Variants in PLCH2 observed in about 807,000 individuals in gnomAD.
The protein encoded by PLCH2 is phospholipase C eta 2.
A neutral mutation model predicts 134.7 loss-of-function variants in PLCH2; 98 were observed. The observed-to-expected ratio is 0.73, with a 90% CI of 0.62 to 0.86. The LOEUF is 0.86. PLCH2 is among the 40% of genes least tolerant of loss of function. PLCH2 has a pLI of 0.00. For missense variants in PLCH2, 1,994 were observed against 1,986.6 expected, an observed-to-expected ratio of 1.00 and a Z score of -0.07; for synonymous variants, 974 against 827.5, an observed-to-expected ratio of 1.18 and a Z score of -3.04.
At chr1:2,427,770 A>C (rs1003968034) in intron 1 of PLCH2, among the ~76,000 whole-genome samples, 9 of 151,948 alleles carry the variant, frequency 5.9e-5, no homozygotes, top group Non-Finnish European at 1.2e-4. Context: ...GCAGCCGGCG[A>C]GCCCTCCAGA....
intron 2 of PLCH2, among the ~76,000 whole-genome samples, chr1:2,443,740 A>T (rs1639801831): frequency 6.8e-6 from 1 of 146,440 alleles, no homozygotes; most frequent in African/African-American, 2.5e-5. Flanking sequence ...GGCACGAGTG[A>T]CAGCGCGCTC....
In PLCH2 at chr1:2,498,705, G is replaced by C; in HGVS notation, c.2350-39G>C. ...GGGAGTTGGGGGCGGGCCGGGCATC[G>C]CGATGGGCCCTGATGCCACCCCCAC... is the stretch of plus-strand genomic sequence containing the variant. On this transcript the variant is annotated intron_variant, in intron 17 of 21. Coordinates refer to ENST00000378486, the MANE Select transcript of PLCH2 (RefSeq NM_014638.4). The surrounding 1 kb of genome is among the most constrained non-coding windows in gnomAD (Gnocchi z 5.4). 1 of 1,568,898 alleles carries C rather than the reference G, an allele frequency of 6.4e-7. No individual in the cohort carries two copies. Among genetic ancestry groups the C allele is most frequent in the Non-Finnish European group, 8.7e-7 (1 of 1,153,032 alleles).
chr1:2,439,847 G>A lies in PLCH2; in HGVS notation c.115+9218G>A, dbSNP rs752089170. 1.3e-5 allele frequency among the ~76,000 whole-genome samples: 2 copies of A among 152,122 alleles called. No homozygotes were observed. Among genetic ancestry groups the A allele is most frequent in the African/African-American group, 2.4e-5 (1 of 41,458 alleles). On this transcript the variant is annotated intron_variant, in intron 2 of 3. Transcript: ENST00000609981. The surrounding 1 kb of genome is among the most constrained non-coding windows in gnomAD (Gnocchi z 4.7). ...AGCCAGGCCTGGCTGGAGTGTTCGA[G>A]GGCAGCGGGCACGCGGCTCCCTGCC...
At chr1:2,421,283 T>G (rs553419922), upstream of PLCH2, among the ~76,000 whole-genome samples, 3 of 152,212 alleles carry the variant, frequency 2.0e-5, no homozygotes, top group African/African-American at 7.2e-5. Context: ...CCAAGGAGCT[T>G]TGGTTTTGGG....
upstream of PLCH2, among the ~76,000 whole-genome samples, chr1:2,465,534 C>T (rs558018916): frequency 2.0e-3 from 304 of 152,320 alleles, no homozygotes; most frequent in Non-Finnish European, 3.6e-3. Flanking sequence ...CTCCCTGGGG[C>T]CTGGCTCCCC....
chr1:2,504,936 G>T lies in PLCH2; in HGVS notation c.3974G>T (p.Gly1325Val). 1 of 1,567,990 alleles carries T rather than the reference G, an allele frequency of 6.4e-7. No individual in the cohort carries two copies. The change falls in exon 22 of 22, where the codon GGG (glycine) becomes GTG (valine). Residue 1325 changes from glycine (G) to valine (V), a missense_variant. Gly to Val is a moderately radical substitution (Grantham distance 109). This residue lies in a region of PLCH2 where 900 missense variants were observed against 752.3 expected (regional missense o/e 1.20). Coordinates refer to ENST00000378486, the MANE Select transcript of PLCH2 (RefSeq NM_014638.4). The part of the protein sequence containing the change: ...ITSPTSLGPA[G>V]EGVAGGPGFV... Reference sequence around the variant, plus strand: ...TCACCCACCAGCCTGGGCCCGGCTGGGGAGGGGGTGGCAGGGGGCCCTGGT... The same window carrying T: ...TCACCCACCAGCCTGGGCCCGGCTGTGGAGGGGGTGGCAGGGGGCCCTGGT...
chr1:2,498,358 G>T lies in PLCH2; in HGVS notation c.2225-165G>T. The T allele has an allele frequency of 5.9e-6, 4 of 680,564 alleles. No individual in the cohort carries two copies. Among genetic ancestry groups the T allele is most frequent in the Non-Finnish European group, 9.8e-6 (4 of 408,268 alleles). The allele number at this position is 680,564 out of a possible 1,614,324, so 42.2% of individuals were successfully genotyped here. Reference sequence around the variant, plus strand: ...AAAGGTGATCCATACTGGGCCAGGTGCACCCCGAGGTGCCCCCCTGGACCA... The same window carrying T: ...AAAGGTGATCCATACTGGGCCAGGTTCACCCCGAGGTGCCCCCCTGGACCA... On this transcript the variant is annotated intron_variant, in intron 16 of 21. Transcript: ENST00000378486. This position sits in a 1 kb window ranked among gnomAD's most constrained non-coding sequence, Gnocchi z 5.4.
intron 2 of PLCH2, among the ~76,000 whole-genome samples, chr1:2,436,461 A>T (rs183289214): frequency 9.1e-4 from 14 of 15,368 alleles, no homozygotes; most frequent in Non-Finnish European, 8.7e-4. Context: ...TCCTCCCTCC[A>T]CCTTTCCTCC....
chr1:2,450,713 G>A (rs551493161), intron 2 of PLCH2, among the ~76,000 whole-genome samples: 10 of 16,824 alleles, frequency 5.9e-4, no homozygotes, highest in East Asian at 2.7e-3. Context: ...CTCCCCGCCT[G>A]CCCCCCGCTC....
At chr1:2,433,997 A>G (rs1639197209) in intron 2 of PLCH2, among the ~76,000 whole-genome samples, 1 of 152,242 alleles carries the variant, frequency 6.6e-6, no homozygotes, top group Non-Finnish European at 1.5e-5. Flanking sequence ...CCGGGCACCC[A>G]GGAAACTCGA....
In PLCH2 at chr1:2,489,744, G is replaced by A. The variant is rs1401034428; in HGVS notation, c.1408-16G>A. 7 of 1,600,144 alleles carry A rather than the reference G, an allele frequency of 4.4e-6. No homozygotes were observed. Among genetic ancestry groups the A allele is most frequent in the Non-Finnish European group, 5.1e-6 (6 of 1,167,802 alleles). On this transcript the variant is annotated splice_polypyrimidine_tract_variant and intron_variant, in intron 9 of 21. Transcript: ENST00000378486. ...TTTTCTCCAGGGCCCCTCCCATCAT[G>A]CACCTCCTCCCCCAGGGGAAGAAGC...
At chr1:2,463,431 T>G (rs1038393805), upstream of PLCH2, among the ~76,000 whole-genome samples, 1 of 152,224 alleles carries the variant, frequency 6.6e-6, no homozygotes, top group Non-Finnish European at 1.5e-5. Context: ...GCAGAGCCCC[T>G]GCCTGCTGAA....
Position 2,491,186 on chromosome 1 carries a change from C to T in PLCH2, c.1516-6C>T. The T allele has an allele frequency of 6.2e-7, 1 of 1,610,626 alleles. No individual in the cohort carries two copies. The highest frequency in any genetic ancestry group is 8.5e-7 in the Non-Finnish European group (1 of 1,178,734). On this transcript the variant is annotated splice_region_variant and splice_polypyrimidine_tract_variant and intron_variant, in intron 10 of 21. Coordinates refer to ENST00000378486, the MANE Select transcript of PLCH2 (RefSeq NM_014638.4). ...ATGCCAACAGGCCGGCCTCTGGCTC[C>T]TGCAGGCATCCACCAATCGAAAGCG... is the stretch of plus-strand genomic sequence containing the variant.
At chr1:2,480,920 C>G (rs565900941) in intron 4 of PLCH2, among the ~76,000 whole-genome samples, 1 of 152,262 alleles carries the variant, frequency 6.6e-6, no homozygotes, top group Non-Finnish European at 1.5e-5. Flanking sequence ...GCCAGCAAAC[C>G]AGGCCCTGGG....
chr1:2,496,327 C>T (rs1416988736), intron 13 of PLCH2, among the ~76,000 whole-genome samples: 2 of 152,214 alleles, frequency 1.3e-5, no homozygotes, highest in Non-Finnish European at 2.9e-5. Flanking sequence ...TCAGAACCTT[C>T]CAGAAGCCCC....
In PLCH2 at chr1:2,505,281, G is replaced by A. The variant is rs541353328; in HGVS notation, c.*68G>A. 102 of 1,272,784 alleles carry A rather than the reference G, an allele frequency of 8.0e-5. No homozygotes were observed. In the African/African-American group the frequency reaches 1.4e-3, roughly 18 times the overall value. 78.8% of individuals were successfully genotyped at this position (1,272,784 alleles called of 1,614,324 possible). A position where few individuals can be genotyped will look rare whatever the true frequency, so the allele number is the denominator to read the frequency against. Reference sequence around the variant, plus strand: ...AGGGGTGGGCGTGTTGTTTGCTCAGGAAACAGGGCAGCCAGGCCCCCAAAA... The same window carrying A: ...AGGGGTGGGCGTGTTGTTTGCTCAGAAAACAGGGCAGCCAGGCCCCCAAAA... On this transcript the variant is annotated 3_prime_UTR_variant, in exon 22 of 22. Coordinates refer to ENST00000378486, the MANE Select transcript of PLCH2 (RefSeq NM_014638.4).
intron 16 of PLCH2, 42 bp downstream of exon 16, chr1:2,497,651 G>A (rs551815414): frequency 1.6e-4 from 218 of 1,324,622 alleles, no homozygotes; most frequent in Non-Finnish European, 2.1e-4. Flanking sequence ...CTCAGGGCTC[G>A]GATGGGCCTC....
In PLCH2 at chr1:2,476,391, C is replaced by T. The variant is rs566923486; in HGVS notation, c.-198C>T. ...TGGGGGCCATCAGGACAGCAGGTGA[C>T]GGTCAGGCCAATGCCAGCCGGGCCT... On this transcript the variant is annotated 5_prime_UTR_variant, in exon 1 of 22. It adds an upstream start codon to the 5' untranslated region. Coordinates refer to ENST00000378486, the MANE Select transcript of PLCH2 (RefSeq NM_014638.4). 2.5e-5 allele frequency: 13 copies of T among 516,582 alleles called. No individual in the cohort carries two copies. The highest frequency in any genetic ancestry group is 1.9e-4 in the Admixed American group (5 of 26,812). 32.0% of individuals were successfully genotyped at this position (516,582 alleles called of 1,614,324 possible). A position where few individuals can be genotyped will look rare whatever the true frequency, so the allele number is the denominator to read the frequency against.
rs776523361 is a variant in PLCH2, at chr1:2,504,022, G to A, written c.3060G>A (p.Ala1020=). The change falls in exon 22 of 22, where the codon GCG becomes GCA. Residue 1020 remains alanine, a synonymous_variant. Transcript: ENST00000378486. ...PAPGPGPPPP[A]AVPTSSSQGR... The stretch of plus-strand genomic sequence containing the variant: ...CAGGCCCTGGTCCCCCGCCACCAGC[G>A]GCTGTCCCCACCAGCTCTTCTCAGG... The A allele has an allele frequency of 1.0e-4, 158 of 1,533,586 alleles. No individual in the cohort carries two copies. Among genetic ancestry groups the A allele is most frequent in the Middle Eastern group, 1.7e-4 (1 of 5,920 alleles). The allele number at this position is 1,533,586 out of a possible 1,614,324, so 95.0% of individuals were successfully genotyped here.
Sources: allele counts gnomAD v4.1 joint callset (sites outside exome capture counted in the v4.1 genomes callset), GRCh38; gene constraint gnomAD v4.1.1; regional missense constraint gnomAD v4.1.1; non-coding constraint Gnocchi (gnomAD v3.1); transcripts MANE v1.5; gene names NCBI Gene and HGNC (gene_info 2026-07-23, HGNC 2026-07-21).